LSM12: variants seen among roughly 807,000 people sequenced by gnomAD.
LSM12 encodes LSM12 homolog, also known as protein LSM12.
For synonymous variants in LSM12, 74 were observed against 87.3 expected (o/e 0.85, Z 0.85); for missense variants, 108 against 238.9 (o/e 0.45, Z 3.61).
In LSM12 at chr17:44,060,744, C is replaced by G. The variant is rs73306685; in HGVS notation, c.258+3057G>C. Reference sequence around the variant, plus strand: ...AACAATGCTAGTAAACAAGGAAAACCCTAAAGGCAAAGATAATCCACAAAC... The same window carrying G: ...AACAATGCTAGTAAACAAGGAAAACGCTAAAGGCAAAGATAATCCACAAAC... On this transcript the variant is annotated intron_variant, in intron 2 of 4. Coordinates refer to ENST00000293406, the MANE Select transcript of LSM12 (RefSeq NM_001371445.1). Among the ~76,000 whole-genome samples, 854 of 152,150 alleles carry G rather than the reference C, an allele frequency of 5.6e-3. 5 individuals carry two copies. The highest frequency in any genetic ancestry group is 0.02 in the African/African-American group (825 of 41,500).
At chr17:44,066,774 GA>G, upstream of LSM12, 2 of 712,148 alleles carry the variant, frequency 2.8e-6, no homozygotes, top group Non-Finnish European at 3.8e-6. Context: ...AGGGGAATCT[GA>G]AAAGTATTTG....
Position 44,044,501 on chromosome 17 carries a change from C to T in LSM12, c.259-4245G>A, listed in dbSNP as rs560608144. Among the ~76,000 whole-genome samples the T allele has an allele frequency of 2.6e-5, 4 of 152,340 alleles. No individual in the cohort carries two copies. In the South Asian group the frequency reaches 8.3e-4, roughly 32 times the overall value. Reference sequence around the variant, plus strand: ...CACTTAGAAAAGTCAGCAGAAATGACTGTAAGCTGACTGTATATATTTTCA... The same window carrying T: ...CACTTAGAAAAGTCAGCAGAAATGATTGTAAGCTGACTGTATATATTTTCA... On this transcript the variant is annotated intron_variant, in intron 2 of 4. Transcript: ENST00000293406.
chr17:44,036,436 C>A, intron 4 of LSM12, 136 bp from the exon 5 acceptor site: 1 of 1,168,968 alleles, frequency 8.6e-7, no homozygotes, highest in Non-Finnish European at 1.2e-6. Flanking sequence ...CCCTTGCTGT[C>A]TATTGGCCTT....
intron 1 of LSM12, among the ~76,000 whole-genome samples, chr17:44,066,094 C>T (rs1364345528): frequency 2.0e-5 from 3 of 152,092 alleles, no homozygotes; most frequent in Non-Finnish European, 4.4e-5. Flanking sequence ...AATATTTCAC[C>T]CGCCCCTCCT....
intron 2 of LSM12, among the ~76,000 whole-genome samples, chr17:44,044,322 A>G (rs186206380): frequency 4.9e-4 from 74 of 152,268 alleles, no homozygotes; most frequent in Admixed American, 1.7e-3. Flanking sequence ...GTTATAGAAC[A>G]ATGATTTCAA....
intron 2 of LSM12, among the ~76,000 whole-genome samples, chr17:44,043,341 G>A (rs1213992590): frequency 6.6e-6 from 1 of 152,168 alleles, no homozygotes; most frequent in Admixed American, 6.6e-5. Context: ...AATCTTTCAA[G>A]ACTGGCTGCC....
intron 2 of LSM12, among the ~76,000 whole-genome samples, chr17:44,055,405 T>TA (rs1160713554): frequency 6.7e-6 from 1 of 148,566 alleles, no homozygotes; most frequent in Non-Finnish European, 1.5e-5. Flanking sequence ...CTCACACCTG[T>TA]AATACCAGCA....
chr17:44,063,995 A>C, intron 1 of LSM12, 61 bp from the exon 2 acceptor site: 1 of 1,575,520 alleles, frequency 6.3e-7, no homozygotes, highest in Non-Finnish European at 8.6e-7. Flanking sequence ...ACACATCCCA[A>C]AAGGGGCATA....
chr17:44,056,130 G>A (rs1007852699), intron 2 of LSM12, among the ~76,000 whole-genome samples: 10 of 151,760 alleles, frequency 6.6e-5, no homozygotes, highest in Non-Finnish European at 1.2e-4. Flanking sequence ...AAAATTAGCC[G>A]GGCATGCTGG....
intron 3 of LSM12, among the ~76,000 whole-genome samples, chr17:44,038,465 T>C (rs1192395031): frequency 4.6e-5 from 7 of 151,892 alleles, no homozygotes; most frequent in Admixed American, 4.6e-4. Context: ...GAGACCATCC[T>C]GGTCAACATG....
intron 2 of LSM12, among the ~76,000 whole-genome samples, chr17:44,058,936 G>A (rs1478693184): frequency 2.0e-5 from 3 of 152,124 alleles, no homozygotes; most frequent in African/African-American, 4.8e-5. Flanking sequence ...CCTGGAGGTC[G>A]AGGCTGCGGT....
chr17:44,041,326 C>A (rs867090037), intron 2 of LSM12, among the ~76,000 whole-genome samples: 1,907 of 142,298 alleles, frequency 0.013, 21 homozygotes, highest in African/African-American at 0.037. Context: ...CACACACACA[C>A]ACACACAAAC....
At chr17:44,045,233 G>C (rs553889076) in intron 2 of LSM12, among the ~76,000 whole-genome samples, 72 of 152,078 alleles carry the variant, frequency 4.7e-4, no homozygotes, top group Admixed American at 1.2e-3. Flanking sequence ...TCACCATGTT[G>C]GTCAGGCTGG....
At chr17:44,050,741 G>A (rs1004305455) in intron 2 of LSM12, among the ~76,000 whole-genome samples, 1 of 151,858 alleles carries the variant, frequency 6.6e-6, no homozygotes, top group Non-Finnish European at 1.5e-5. Context: ...AGCTGGTCTC[G>A]AACCCCTGAC....
At chr17:44,052,568 G>C (rs2049659984) in intron 2 of LSM12, among the ~76,000 whole-genome samples, 1 of 151,986 alleles carries the variant, frequency 6.6e-6, no homozygotes, top group Admixed American at 6.6e-5. Flanking sequence ...AAACCAGCCT[G>C]CCCAACATGG....
intron 4 of LSM12, 148 bp from the exon 5 acceptor site, chr17:44,036,448 C>A: frequency 9.7e-7 from 1 of 1,029,118 alleles, no homozygotes; most frequent in South Asian, 1.6e-5. Context: ...ATTGGCCTTC[C>A]CAACCACAAG....
At chr17:44,065,242 G>C (rs1270018779) in intron 1 of LSM12, among the ~76,000 whole-genome samples, 2 of 151,720 alleles carry the variant, frequency 1.3e-5, no homozygotes, top group African/African-American at 4.8e-5. Flanking sequence ...AGACCATCCT[G>C]GCCAACATGG....
chr17:44,066,599 A>G lies in LSM12; in HGVS notation c.-12T>C, dbSNP rs1215548100. ...GGAGGAGCCGCCATCTTGGGAGTGC[A>G]GCCGCGGCCGGCGGCGGCGGCGGCA... On this transcript the variant is annotated 5_prime_UTR_variant, in exon 1 of 5. Coordinates refer to ENST00000293406, the MANE Select transcript of LSM12 (RefSeq NM_001371445.1). 49 of 1,361,920 alleles carry G rather than the reference A, an allele frequency of 3.6e-5. No homozygotes were observed. The highest frequency in any genetic ancestry group is 4.6e-5 in the Non-Finnish European group (48 of 1,053,428). 84.4% of individuals were successfully genotyped at this position (1,361,920 alleles called of 1,614,324 possible). A position where few individuals can be genotyped will look rare whatever the true frequency, so the allele number is the denominator to read the frequency against.
intron 3 of LSM12, among the ~76,000 whole-genome samples, chr17:44,038,401 T>C (rs906762521): frequency 9.3e-5 from 14 of 150,200 alleles, no homozygotes; most frequent in African/African-American, 3.4e-4. Context: ...GGCTCACGCC[T>C]GTAATCCCAG....
Sources: gnomAD v4.1 joint callset for allele counts (sites outside exome capture counted in the v4.1 genomes callset) on GRCh38, gnomAD v4.1.1 for gene constraint, MANE v1.5 for transcripts, NCBI Gene and HGNC (gene_info 2026-07-23, HGNC 2026-07-21) for gene names.